ARFGEF1: variants seen among roughly 807,000 people sequenced by gnomAD.
ARFGEF1 encodes ARF guanine nucleotide exchange factor 1, also known as brefeldin A-inhibited guanine nucleotide-exchange protein 1.
ARFGEF1 carries 42 observed loss-of-function variants against 231.0 expected under a neutral mutation model. The observed-to-expected ratio is 0.18, with a 90% CI of 0.14 to 0.24. The LOEUF (loss-of-function observed/expected upper bound fraction) is 0.24. ARFGEF1 is among the 10% of genes least tolerant of loss of function. The pLI, the probability that ARFGEF1 is intolerant of heterozygous loss-of-function variation, is 1.00. For synonymous variants in ARFGEF1, 710 were observed against 732.3 expected (o/e 0.97, Z 0.49); for missense variants, 1,345 against 2,192.0 (o/e 0.61, Z 7.72).
chr8:67,175,851 G>A lies in ARFGEF1; in HGVS notation c.561-279C>T, dbSNP rs1272481559. Reference sequence around the variant, plus strand: ...GAGTGTGTTTAAGTTTTGATGTGGCGTAAAATCTGTAAAGCATCAGACTGG... The same window carrying A: ...GAGTGTGTTTAAGTTTTGATGTGGCATAAAATCTGTAAAGCATCAGACTGG... On this transcript the variant is annotated intron_variant, in intron 5 of 5. Transcript: ENST00000518789. Among the ~76,000 whole-genome samples, 8 of 152,180 alleles carry A rather than the reference G, an allele frequency of 5.3e-5. No individual in the cohort carries two copies. The East Asian group carries it at 7.7e-4, about 15-fold the overall frequency.
rs779870449 is a variant in ARFGEF1, at chr8:67,271,908, A to G, written c.1366T>C (p.Ser456Pro). 6.2e-7 allele frequency: 1 copy of G among 1,611,354 alleles called. No homozygotes were observed. Among genetic ancestry groups the G allele is most frequent in the South Asian group, 1.1e-5 (1 of 90,014 alleles). The part of the protein sequence containing the change: ...KSHELRSKIL[S>P]LQLLLSILQN... The stretch of plus-strand genomic sequence containing the variant: ...AGAATGGATAGAAGTAACTGCAATG[A>G]AAGAATCTTGGATCGTAGTTCATGA... Residue 456 changes from serine to proline, a missense_variant, in exon 10 of 39, where the codon TCA (serine) becomes CCA (proline). Ser to Pro is a moderately conservative substitution (Grantham distance 74, BLOSUM62 -1). Coordinates refer to ENST00000262215, the MANE Select transcript of ARFGEF1 (RefSeq NM_006421.5).
intron 21 of ARFGEF1, 67 bp from the exon 22 acceptor site, chr8:67,238,560 T>C (rs1839838073): frequency 1.5e-5 from 22 of 1,497,300 alleles, no homozygotes; most frequent in Middle Eastern, 1.7e-4. Context: ...GATTTAAATA[T>C]ATGCAGCCAG....
intron 33 of ARFGEF1, among the ~76,000 whole-genome samples, chr8:67,213,040 T>G (rs1371207635): frequency 6.6e-6 from 1 of 152,206 alleles, no homozygotes; most frequent in Non-Finnish European, 1.5e-5. Flanking sequence ...GGATAATTTT[T>G]GGGATGTCCT....
chr8:67,242,347 T>C (rs1406706520), intron 19 of ARFGEF1, among the ~76,000 whole-genome samples: 1 of 152,218 alleles, frequency 6.6e-6, no homozygotes, highest in Non-Finnish European at 1.5e-5. Context: ...GAGGACTTTG[T>C]CTTGCATCTC....
chr8:67,216,373 C>A (rs1004777343), intron 33 of ARFGEF1, among the ~76,000 whole-genome samples: 4 of 152,052 alleles, frequency 2.6e-5, no homozygotes, highest in Non-Finnish European at 2.9e-5. Context: ...GTGGTGCCAT[C>A]TTGGAAGCAG....
chr8:67,278,696 A>C (rs12674570), intron 7 of ARFGEF1, among the ~76,000 whole-genome samples: 30,456 of 152,002 alleles, frequency 0.2, 3,639 homozygotes, highest in East Asian at 0.37. Context: ...AAATACAAAA[A>C]TAAGCTGGGC....
intron 1 of ARFGEF1, among the ~76,000 whole-genome samples, chr8:67,325,825 A>G (rs543945498): frequency 6.6e-6 from 1 of 152,346 alleles, no homozygotes; most frequent in South Asian, 2.1e-4. Flanking sequence ...AAAAGTTTTA[A>G]TCAAGTTATA....
Position 67,198,538 on chromosome 8 carries a change from A to G in ARFGEF1, c.*396T>C. 1.0e-6 allele frequency: 1 copy of G among 992,756 alleles called. No homozygotes were observed. Among genetic ancestry groups the G allele is most frequent in the Non-Finnish European group, 1.2e-6 (1 of 834,868 alleles). 61.5% of individuals were successfully genotyped at this position (992,756 alleles called of 1,614,324 possible). On this transcript the variant is annotated 3_prime_UTR_variant, in exon 39 of 39. Transcript: ENST00000262215. ...CTTCTTCTCTCCCCACTCCCCAATT[A>G]TAAACATTTTATCCTTCAAAATACA...
chr8:67,238,558 T>G, intron 21 of ARFGEF1, 65 bp from the exon 22 acceptor site: 2 of 1,503,250 alleles, frequency 1.3e-6, no homozygotes, highest in Non-Finnish European at 1.8e-6. Context: ...AAGATTTAAA[T>G]ATATGCAGCC....
At chr8:67,224,778 TTAATA>T in intron 29 of ARFGEF1, 120 bp downstream of exon 29, 7 of 535,410 alleles carry the variant, frequency 1.3e-5, no homozygotes, top group Non-Finnish European at 1.7e-5. Context: ...TACCTAATAA[TTAATA>T]TATTTGACAA....
At chr8:67,297,587 A>G (rs920419267) in intron 4 of ARFGEF1, among the ~76,000 whole-genome samples, 3 of 152,134 alleles carry the variant, frequency 2.0e-5, no homozygotes, top group African/African-American at 7.2e-5. Context: ...AAATTAAAAA[A>G]CAAATTCCTA....
At chr8:67,304,032 C>A (rs1256879499) in intron 1 of ARFGEF1, among the ~76,000 whole-genome samples, 1 of 152,140 alleles carries the variant, frequency 6.6e-6, no homozygotes, top group African/African-American at 2.4e-5. Context: ...GGTAATCTAA[C>A]TACAGATTCT....
downstream of ARFGEF1, chr8:67,195,789 T>G (rs1372194113): frequency 1.1e-5 from 6 of 555,620 alleles, no homozygotes; most frequent in African/African-American, 1.1e-4. Flanking sequence ...ATAATAGAAT[T>G]GTATAGATTA....
At chr8:67,238,918 TAC>T (rs1369841849) in intron 20 of ARFGEF1, 25 bp from the exon 21 acceptor site, 1 of 1,603,028 alleles carries the variant, frequency 6.2e-7, no homozygotes, top group Non-Finnish European at 8.5e-7. Context: ...AAAGTATGTT[TAC>T]ACAGTTCTAA....
intron 6 of ARFGEF1, among the ~76,000 whole-genome samples, 166 bp from the exon 7 acceptor site, chr8:67,288,231 A>G (rs1349732849): frequency 6.6e-6 from 1 of 151,884 alleles, no homozygotes. Flanking sequence ...CAAAATGTAT[A>G]CCAAAACTTA....
At chr8:67,313,313 C>T (rs1392063581) in intron 1 of ARFGEF1, among the ~76,000 whole-genome samples, 4 of 152,276 alleles carry the variant, frequency 2.6e-5, no homozygotes, top group South Asian at 4.1e-4. Context: ...GGTTTGGATC[C>T]ACTGCTGGTA....
At chr8:67,193,482 GT>G (rs756306327), downstream of ARFGEF1, 1 of 1,613,468 alleles carries the variant, frequency 6.2e-7, no homozygotes, top group Non-Finnish European at 8.5e-7. Context: ...TCGTCCTAAT[GT>G]AGCACCAGAT....
At chr8:67,305,309 A>G (rs944945803) in intron 1 of ARFGEF1, among the ~76,000 whole-genome samples, 1 of 152,210 alleles carries the variant, frequency 6.6e-6, no homozygotes, top group African/African-American at 2.4e-5. Flanking sequence ...AATCAACTTG[A>G]TAGGGAAACT....
At chr8:67,184,009 C>T (rs1462425821) in intron 5 of ARFGEF1, among the ~76,000 whole-genome samples, 3 of 151,954 alleles carry the variant, frequency 2.0e-5, no homozygotes, top group Non-Finnish European at 2.9e-5. Flanking sequence ...CCTGCCACCA[C>T]GCCTGGCTAA....
Sources: allele counts gnomAD v4.1 joint callset (sites outside exome capture counted in the v4.1 genomes callset), GRCh38; gene constraint gnomAD v4.1.1; transcripts MANE v1.5; gene names NCBI Gene and HGNC (gene_info 2026-07-23, HGNC 2026-07-21).